Variants in ABHD12 observed in about 807,000 individuals in gnomAD.
ABHD12 encodes the protein lysophosphatidylserine lipase ABHD12.
ABHD12 carries 43 observed loss-of-function variants against 58.3 expected under a neutral mutation model. The observed-to-expected ratio is 0.74, with a 90% CI of 0.58 to 0.95. The LOEUF (loss-of-function observed/expected upper bound fraction) is 0.95, where lower values mean the gene tolerates loss of function less well. Ranked by LOEUF, ABHD12 falls within the 40% of genes least tolerant of loss-of-function variation. The probability of loss-of-function intolerance (pLI) is 0.00; values close to 1 mark genes in which losing one functional copy is unlikely to be tolerated. For missense variants in ABHD12, 539 were observed against 537.2 expected (o/e 1.00, Z -0.03); for synonymous variants, 219 against 211.2 (o/e 1.04, Z -0.32).
intron 4 of ABHD12, among the ~76,000 whole-genome samples, chr20:25,317,902 A>T (rs1350123374): frequency 6.6e-6 from 1 of 151,334 alleles, no homozygotes; most frequent in African/African-American, 2.4e-5. Context: ...CACTCTCCAC[A>T]CTCCCTAGCC....
intron 1 of ABHD12, among the ~76,000 whole-genome samples, chr20:25,345,678 G>A (rs2089508990): frequency 6.6e-6 from 1 of 152,194 alleles, no homozygotes; most frequent in Admixed American, 6.5e-5. Flanking sequence ...CAGATGGCAA[G>A]TAAGCATATG....
chr20:25,341,725 C>A (rs886103294), intron 1 of ABHD12, among the ~76,000 whole-genome samples: 1 of 152,080 alleles, frequency 6.6e-6, no homozygotes, highest in Admixed American at 6.6e-5. Context: ...CAGGGTCTGA[C>A]ACAGCTAACG....
At chr20:25,380,829 T>C (rs976075127) in intron 1 of ABHD12, among the ~76,000 whole-genome samples, 1 of 152,088 alleles carries the variant, frequency 6.6e-6, no homozygotes, top group Non-Finnish European at 1.5e-5. Flanking sequence ...AACCTCCCCC[T>C]TGAACTCTAT....
At chr20:25,329,674 G>A (rs1349709970) in intron 2 of ABHD12, among the ~76,000 whole-genome samples, 1 of 152,226 alleles carries the variant, frequency 6.6e-6, no homozygotes, top group Non-Finnish European at 1.5e-5. Context: ...TGAGTGCTGA[G>A]GGTCTGAACA....
chr20:25,334,850 C>A (rs1271876902), intron 2 of ABHD12, among the ~76,000 whole-genome samples: 1 of 149,214 alleles, frequency 6.7e-6, no homozygotes, highest in Non-Finnish European at 1.5e-5. Context: ...ACCATAAAAA[C>A]CCTAGAAGAA....
chr20:25,305,109 C>T (rs2145924357), intron 10 of ABHD12, among the ~76,000 whole-genome samples: 1 of 152,144 alleles, frequency 6.6e-6, no homozygotes. Context: ...TCAGGTAATC[C>T]ACCTGCCTCA....
intron 2 of ABHD12, among the ~76,000 whole-genome samples, chr20:25,324,251 T>A (rs1316103544): frequency 1.3e-5 from 2 of 152,048 alleles, no homozygotes; most frequent in Non-Finnish European, 2.9e-5. Context: ...TTTGTTATTG[T>A]AAAAACATGC....
In ABHD12 at chr20:25,375,350, A is replaced by G. The variant is rs73347078; in HGVS notation, c.191+15163T>C. On this transcript the variant is annotated intron_variant, in intron 1 of 12. Transcript: ENST00000339157. ...GCATGCTGTTCCTGAATGTTCTACC[A>G]GTAAATTATAATCTTGCTCTAAGTA... is the stretch of plus-strand genomic sequence containing the variant. 3.7e-4 allele frequency among the ~76,000 whole-genome samples: 57 copies of G among 152,358 alleles called. 1 individual carries two copies. Among genetic ancestry groups the G allele is most frequent in the African/African-American group, 1.4e-3 (57 of 41,584 alleles).
At chr20:25,347,474 A>T (rs1454620173) in intron 1 of ABHD12, among the ~76,000 whole-genome samples, 1 of 152,146 alleles carries the variant, frequency 6.6e-6, no homozygotes, top group East Asian at 1.9e-4. Context: ...CTAAGAGTAT[A>T]GTTCCCATAA....
intron 2 of ABHD12, among the ~76,000 whole-genome samples, chr20:25,328,166 G>T (rs564536347): frequency 6.6e-6 from 1 of 151,954 alleles, no homozygotes; most frequent in East Asian, 1.9e-4. Context: ...AATGGGACCC[G>T]GAGAAGGCTC....
intron 10 of ABHD12, among the ~76,000 whole-genome samples, 163 bp downstream of exon 10, chr20:25,306,670 C>T (rs971138831): frequency 3.9e-5 from 6 of 152,196 alleles, no homozygotes; most frequent in African/African-American, 1.4e-4. Context: ...GTGTGAACCA[C>T]GGTCCCTAGC....
intron 6 of ABHD12, among the ~76,000 whole-genome samples, chr20:25,311,750 G>T (rs1401831352): frequency 6.6e-6 from 1 of 152,136 alleles, no homozygotes; most frequent in Non-Finnish European, 1.5e-5. Context: ...TGTCACTCAG[G>T]CTGGAGTGCG....
At chr20:25,366,542 A>G (rs1433757392) in intron 1 of ABHD12, among the ~76,000 whole-genome samples, 1 of 152,216 alleles carries the variant, frequency 6.6e-6, no homozygotes. Context: ...CTGGGATTAC[A>G]GGCATGAACC....
chr20:25,360,665 G>C (rs916573309), intron 1 of ABHD12, among the ~76,000 whole-genome samples: 3 of 152,190 alleles, frequency 2.0e-5, no homozygotes, highest in African/African-American at 7.2e-5. Flanking sequence ...AATGAGAGGA[G>C]AGACACCAAT....
chr20:25,306,570 C>T (rs2088746392), intron 10 of ABHD12, among the ~76,000 whole-genome samples: 1 of 152,116 alleles, frequency 6.6e-6, no homozygotes, highest in Non-Finnish European at 1.5e-5. Context: ...TTTGTAGAGA[C>T]AGGGCCCTGC....
At chr20:25,310,769 A>G (rs1460892045) in intron 6 of ABHD12, among the ~76,000 whole-genome samples, 1 of 152,188 alleles carries the variant, frequency 6.6e-6, no homozygotes, top group Non-Finnish European at 1.5e-5. Flanking sequence ...AGACAGGGAC[A>G]GGAGGCAGAA....
At chr20:25,323,532 C>T (rs1260052884) in intron 2 of ABHD12, 102 bp from the exon 3 acceptor site, 11 of 767,992 alleles carry the variant, frequency 1.4e-5, no homozygotes, top group Non-Finnish European at 2.6e-5. Flanking sequence ...TATGCATCCA[C>T]ACGTGCACAC....
intron 1 of ABHD12, chr20:25,368,336 C>A: frequency 6.5e-7 from 1 of 1,547,506 alleles, no homozygotes. Flanking sequence ...CCTGGAACCA[C>A]AGCGCTCCAT....
At chr20:25,303,963 A>C (rs1257241764) in intron 10 of ABHD12, among the ~76,000 whole-genome samples, 1 of 152,224 alleles carries the variant, frequency 6.6e-6, no homozygotes, top group Non-Finnish European at 1.5e-5. Flanking sequence ...TGTTACTAGG[A>C]ATCTGTTGGT....
Sources: gnomAD v4.1 joint callset for allele counts (sites outside exome capture counted in the v4.1 genomes callset) on GRCh38, gnomAD v4.1.1 for gene constraint, MANE v1.5 for transcripts, NCBI Gene and HGNC (gene_info 2026-07-23, HGNC 2026-07-21) for gene names.